KIF21A: variants seen among roughly 807,000 people sequenced by gnomAD.
KIF21A encodes kinesin-like protein KIF21A.
A neutral mutation model predicts 202.9 loss-of-function variants in KIF21A; 114 were observed. That is an observed-to-expected ratio of 0.56 (90% CI 0.48 to 0.66). The LOEUF (loss-of-function observed/expected upper bound fraction) is 0.66, where lower values mean the gene tolerates loss of function less well. Ranked by LOEUF, KIF21A falls within the 30% of genes least tolerant of loss-of-function variation. KIF21A has a pLI of 0.00. For missense variants in KIF21A, 1,677 were observed against 1,994.9 expected (o/e 0.84, Z 3.04); for synonymous variants, 667 against 670.8 (o/e 0.99, Z 0.09).
At chr12:39,331,359 GAATC>G (rs1946489701) in intron 22 of KIF21A, among the ~76,000 whole-genome samples, 2 of 152,108 alleles carry the variant, frequency 1.3e-5, no homozygotes, top group Non-Finnish European at 2.9e-5. Context: ...GATCTGTAAA[GAATC>G]AATGTTAAAT....
At chr12:39,441,061 G>C (rs1592770118) in intron 1 of KIF21A, among the ~76,000 whole-genome samples, 1 of 151,932 alleles carries the variant, frequency 6.6e-6, no homozygotes, top group East Asian at 1.9e-4. Flanking sequence ...AGAAAGGAAA[G>C]AAGGAAGGAA....
intron 1 of KIF21A, among the ~76,000 whole-genome samples, chr12:39,392,529 C>T (rs141033253): frequency 6.6e-6 from 1 of 152,108 alleles, no homozygotes; most frequent in East Asian, 1.9e-4. Flanking sequence ...TCCTTTGTTT[C>T]TTTGTGGCAT....
intron 1 of KIF21A, among the ~76,000 whole-genome samples, chr12:39,432,614 ATTCT>A (rs1411170416): frequency 2.7e-5 from 4 of 150,750 alleles, no homozygotes; most frequent in Non-Finnish European, 4.4e-5. Flanking sequence ...AGATGGACAA[ATTCT>A]TTTTTTTTTT....
chr12:39,376,672 T>C (rs1292178575), intron 1 of KIF21A, among the ~76,000 whole-genome samples: 1 of 152,176 alleles, frequency 6.6e-6, no homozygotes, highest in Non-Finnish European at 1.5e-5. Context: ...ACCCATACAT[T>C]TTTTCAAAAT....
chr12:39,361,368 A>C (rs1949194995), intron 7 of KIF21A, among the ~76,000 whole-genome samples: 1 of 152,198 alleles, frequency 6.6e-6, no homozygotes, highest in African/African-American at 2.4e-5. Flanking sequence ...AACTGAAAAT[A>C]TAGAACACAA....
At chr12:39,386,780 T>C (rs1950974157) in intron 1 of KIF21A, among the ~76,000 whole-genome samples, 1 of 152,180 alleles carries the variant, frequency 6.6e-6, no homozygotes, top group Non-Finnish European at 1.5e-5. Context: ...GCTTGAAATC[T>C]AAGTTGACTT....
At chr12:39,329,497 AGAG>A (rs1284143155) in intron 24 of KIF21A, among the ~76,000 whole-genome samples, 2 of 152,008 alleles carry the variant, frequency 1.3e-5, no homozygotes, top group Non-Finnish European at 2.9e-5. Context: ...ATAAAGAAGA[AGAG>A]GAGGAGGAGA....
At chr12:39,311,375 A>C (rs1944014706) in intron 32 of KIF21A, 42 bp downstream of exon 32, 1 of 1,580,020 alleles carries the variant, frequency 6.3e-7, no homozygotes. Flanking sequence ...TTTTTTTTAA[A>C]AAAAAAGCTA....
intron 33 of KIF21A, 71 bp from the exon 34 acceptor site, chr12:39,307,800 C>T (rs991427447): frequency 8.1e-6 from 11 of 1,365,542 alleles, no homozygotes; most frequent in Non-Finnish European, 1.0e-5. Flanking sequence ...TCCTTGAATT[C>T]CCAGGAAACT....
intron 1 of KIF21A, among the ~76,000 whole-genome samples, chr12:39,421,830 T>C (rs1954309706): frequency 6.8e-6 from 1 of 147,466 alleles, no homozygotes. Context: ...TAATTTTATA[T>C]ATTATATAAT....
intron 1 of KIF21A, among the ~76,000 whole-genome samples, chr12:39,390,348 G>A (rs1445986381): frequency 6.6e-6 from 1 of 152,138 alleles, no homozygotes; most frequent in African/African-American, 2.4e-5. Flanking sequence ...GAAAATTCTG[G>A]TTTAAAAAGA....
intron 1 of KIF21A, among the ~76,000 whole-genome samples, chr12:39,398,619 G>C: frequency 6.6e-6 from 1 of 152,176 alleles, no homozygotes; most frequent in East Asian, 1.9e-4. Context: ...TACAGAAAGA[G>C]AGGGAACCAC....
chr12:39,431,476 A>G (rs2140356895), intron 1 of KIF21A, among the ~76,000 whole-genome samples: 2 of 152,342 alleles, frequency 1.3e-5, no homozygotes, highest in Middle Eastern at 6.8e-3. Flanking sequence ...GGAATAATTA[A>G]TAATAAGTCT....
rs1158465554 is a variant in KIF21A, at chr12:39,368,001, T to A, written c.482A>T (p.Asp161Val). The A allele has an allele frequency of 6.3e-7, 1 of 1,596,450 alleles. No homozygotes were observed. The highest frequency in any genetic ancestry group is 2.2e-5 in the East Asian group (1 of 44,640). The change falls in exon 4 of 38, where the codon GAT (aspartate) becomes GTT (valine). Residue 161 changes from aspartate (D) to valine (V), a missense_variant. By Grantham distance (152) the Asp-to-Val change is radical. Transcript: ENST00000361418. ...TTTTGCATCAATATCACGAGTGGTA[T>A]CAAATAAGTCAAGGACCTCTTCATT... ...LYNEEVLDLFDTTRDIDAKSK... is the reference protein window; with the variant it reads ...LYNEEVLDLFVTTRDIDAKSK...
At chr12:39,358,677 C>T (rs775092582) in intron 7 of KIF21A, among the ~76,000 whole-genome samples, 1 of 152,200 alleles carries the variant, frequency 6.6e-6, no homozygotes, top group African/African-American at 2.4e-5. Context: ...AAACTGACTA[C>T]AATACATTAC....
chr12:39,438,683 T>A (rs1266336615), intron 1 of KIF21A, among the ~76,000 whole-genome samples: 1 of 152,166 alleles, frequency 6.6e-6, no homozygotes, highest in African/African-American at 2.4e-5. Context: ...CAAGGAAATT[T>A]TAGTTTCTAT....
intron 16 of KIF21A, among the ~76,000 whole-genome samples, chr12:39,338,632 C>G (rs189747571): frequency 6.6e-6 from 1 of 152,282 alleles, no homozygotes; most frequent in East Asian, 1.9e-4. Context: ...CCTTGGAGAC[C>G]TTGCAGGTTT....
intron 1 of KIF21A, among the ~76,000 whole-genome samples, chr12:39,418,305 G>T (rs1953952443): frequency 6.6e-6 from 1 of 152,054 alleles, no homozygotes; most frequent in African/African-American, 2.4e-5. Flanking sequence ...ACAGTTTTGA[G>T]ACCTGCCCAG....
chr12:39,408,826 G>T (rs11172059), intron 1 of KIF21A, among the ~76,000 whole-genome samples: 2,343 of 140,410 alleles, frequency 0.017, 78 homozygotes, highest in African/African-American at 0.057. Context: ...GTTTTTTTTT[G>T]TTTTTTTTTT....
Sources: allele counts gnomAD v4.1 joint callset (sites outside exome capture counted in the v4.1 genomes callset), GRCh38; gene constraint gnomAD v4.1.1; transcripts MANE v1.5; gene names NCBI Gene and HGNC (gene_info 2026-07-23, HGNC 2026-07-21).